The following HK2 variants were observed in gnomAD, a reference collection of about 807,000 sequenced individuals.
The protein encoded by HK2 is hexokinase-2.
Under a neutral mutation model 92.9 loss-of-function variants are expected in HK2, and 42 were observed. The ratio of observed to expected loss-of-function variants is 0.45; its 90% CI spans 0.35 to 0.58. The LOEUF (loss-of-function observed/expected upper bound fraction) is 0.58. HK2 is among the 20% of genes least tolerant of loss of function. The probability of loss-of-function intolerance (pLI) is 0.00; values close to 1 mark genes in which losing one functional copy is unlikely to be tolerated. For synonymous variants in HK2, 422 were observed against 468.0 expected, an observed-to-expected ratio of 0.90 and a Z score of 1.27; for missense variants, 978 against 1,245.1, an observed-to-expected ratio of 0.79 and a Z score of 3.23.
intron 2 of HK2, among the ~76,000 whole-genome samples, chr2:74,864,103 G>A (rs1240294967): frequency 1.3e-5 from 2 of 152,196 alleles, no homozygotes; most frequent in Admixed American, 1.3e-4. Flanking sequence ...TGGCCCTGGA[G>A]CTCATGCCCT....
intron 13 of HK2, 54 bp downstream of exon 13, chr2:74,885,643 G>A (rs1689505243): frequency 2.5e-6 from 3 of 1,178,072 alleles, no homozygotes; most frequent in Non-Finnish European, 3.8e-6. Context: ...TGATTGGCCT[G>A]GTCTGTGTGT....
chr2:74,870,262 C>T lies in HK2; in HGVS notation c.376-2038C>T, dbSNP rs1003792962. On this transcript the variant is annotated intron_variant, in intron 3 of 17. Coordinates refer to ENST00000290573, the MANE Select transcript of HK2 (RefSeq NM_000189.5). ...TGACCTCAAGTGATCTGCCCGTCTTCGCCTCCCGAAGTGCTGGGATTACAG... is the reference window on the plus strand; with the variant it reads ...TGACCTCAAGTGATCTGCCCGTCTTTGCCTCCCGAAGTGCTGGGATTACAG... 4.6e-5 allele frequency among the ~76,000 whole-genome samples: 7 copies of T among 152,052 alleles called. No homozygotes were observed. The East Asian group carries it at 5.8e-4, about 13-fold the overall frequency.
Position 74,845,245 on chromosome 2 carries a change from A to C in HK2, c.64-9048A>C, listed in dbSNP as rs1183877798. 2.0e-5 allele frequency among the ~76,000 whole-genome samples: 3 copies of C among 152,196 alleles called. No individual in the cohort carries two copies. The East Asian group carries it at 5.8e-4, about 29-fold the overall frequency. Reference sequence around the variant, plus strand: ...GTATCTGTCTTCTGCCAATAGACTCAGCCCCTTCCTGGCAGAGGCTGGTGT... The same window carrying C: ...GTATCTGTCTTCTGCCAATAGACTCCGCCCCTTCCTGGCAGAGGCTGGTGT... On this transcript the variant is annotated intron_variant, in intron 1 of 17. Coordinates refer to ENST00000290573, the MANE Select transcript of HK2 (RefSeq NM_000189.5).
At chr2:74,872,264 C>A in intron 3 of HK2, 36 bp from the exon 4 acceptor site, 1 of 1,612,482 alleles carries the variant, frequency 6.2e-7, no homozygotes, top group Non-Finnish European at 8.5e-7. Flanking sequence ...TGCTGTTCGA[C>A]CTCTCTGCTC....
intron 1 of HK2, 126 bp from the exon 2 acceptor site, chr2:74,854,167 T>A: frequency 1.1e-6 from 1 of 928,096 alleles, no homozygotes; most frequent in Non-Finnish European, 1.8e-6. Context: ...TAATGGTCTT[T>A]AATAATAACT....
At position 74,886,502 on chromosome 2, in the gene HK2, A is replaced by G. The variant is rs1022863938; in HGVS notation, c.2048A>G (p.Asn683Ser). Residue 683 changes from asparagine to serine, a missense_variant, in exon 15 of 18, where the codon AAT becomes AGT. Around this residue, in one of 3 missense-constraint regions of HK2, gnomAD observed 742 missense variants for 922.5 expected, o/e 0.80. Coordinates refer to ENST00000290573, the MANE Select transcript of HK2 (RefSeq NM_000189.5). ...EVGLIVGTGSNACYMEEMRNV... is the reference protein window; with the variant it reads ...EVGLIVGTGSSACYMEEMRNV... ...CTGTGATTGGCAGGCACGGGCAGCA[A>G]TGCCTGCTACATGGAGGAGATGCGC... is the stretch of plus-strand genomic sequence containing the variant. 15 of 1,614,054 alleles carry G rather than the reference A, an allele frequency of 9.3e-6. No homozygotes were observed. The highest frequency in any genetic ancestry group is 2.2e-5 in the East Asian group (1 of 44,880).
intron 2 of HK2, among the ~76,000 whole-genome samples, chr2:74,858,036 C>T (rs3771781): frequency 0.62 from 94,459 of 152,032 alleles, 29,878 homozygotes; most frequent in African/African-American, 0.74. Flanking sequence ...TCTTTTCAAA[C>T]CTGAGAAACC....
chr2:74,886,673 G>A lies in HK2; in HGVS notation c.2219G>A (p.Arg740Lys). 6.2e-7 allele frequency: 1 copy of A among 1,613,932 alleles called. No homozygotes were observed. The highest frequency in any genetic ancestry group is 8.5e-7 in the Non-Finnish European group (1 of 1,179,972). The change falls in exon 15 of 18, where the codon AGG (arginine) becomes AAG (lysine). Residue 740 changes from arginine (R) to lysine (K), a missense_variant and splice_region_variant. Coordinates refer to ENST00000290573, the MANE Select transcript of HK2 (RefSeq NM_000189.5). Reference protein sequence around the residue: ...DELSLNPGKQRFEKMISGMYL... With the variant: ...DELSLNPGKQKFEKMISGMYL... ...CTTTCACTCAACCCCGGCAAGCAGA[G>A]GTAGGCACCCAACTGGGGCCCTGTT...
At chr2:74,882,059 T>C (rs1689408679) in intron 11 of HK2, 61 bp from the exon 12 acceptor site, 1 of 1,540,806 alleles carries the variant, frequency 6.5e-7, no homozygotes, top group Non-Finnish European at 9.0e-7. Flanking sequence ...GCGCAGGCCC[T>C]ACTGGGGGCA....
intron 7 of HK2, among the ~76,000 whole-genome samples, chr2:74,876,229 G>C (rs924604131): frequency 6.6e-6 from 1 of 152,164 alleles, no homozygotes; most frequent in South Asian, 2.1e-4. Flanking sequence ...CTTCCTGGAG[G>C]CCTGGGTTTC....
At position 74,877,193 on chromosome 2, in the gene HK2, C is replaced by A. The variant is rs1213137142; in HGVS notation, c.903C>A (p.Tyr301Ter). ...TTGAGAAGATGATCAGTGGGATGTA[C>A]ATGGGGGAGCTGGTGAGGCTTATCC... is the stretch of plus-strand genomic sequence containing the variant. ...QLFEKMISGM[Y>*]MGELVRLILV... is the part of the protein sequence containing the mutation. The change falls in exon 8 of 18, where the codon TAC becomes TAA. Residue 301 changes from tyrosine to a stop codon, truncating the protein, a stop_gained. Transcript: ENST00000290573. LOFTEE classifies it high-confidence loss of function. 12 of 1,614,130 alleles carry A rather than the reference C, an allele frequency of 7.4e-6. No individual in the cohort carries two copies. Among genetic ancestry groups the A allele is most frequent in the Non-Finnish European group, 1.0e-5 (12 of 1,180,028 alleles).
intron 9 of HK2, among the ~76,000 whole-genome samples, chr2:74,879,997 T>G (rs530993478): frequency 1.4e-4 from 22 of 152,310 alleles, no homozygotes; most frequent in African/African-American, 5.3e-4. Flanking sequence ...AGAGGAGGTC[T>G]TGTGTGGCTG....
chr2:74,890,124 A>G (rs967254165), intron 17 of HK2, among the ~76,000 whole-genome samples: 1 of 152,148 alleles, frequency 6.6e-6, no homozygotes, highest in Non-Finnish European at 1.5e-5. Context: ...CTGTTATTGT[A>G]CATATAGTTT....
rs569455828 is a variant in HK2, at chr2:74,886,746, A to G, written c.2219+73A>G. 3.9e-4 allele frequency: 581 copies of G among 1,478,142 alleles called. 1 individual carries two copies. The highest frequency in any genetic ancestry group is 5.2e-4 in the Non-Finnish European group (546 of 1,057,658). The allele number at this position is 1,478,142 out of a possible 1,614,324, so 91.6% of individuals were successfully genotyped here. A position where few individuals can be genotyped will look rare whatever the true frequency, so the allele number is the denominator to read the frequency against. The stretch of plus-strand genomic sequence containing the variant: ...GCAACAAGTGATCAGAGCTTCCACA[A>G]TGGCATCTCCCAGGACGCCGGTTCT... On this transcript the variant is annotated intron_variant, in intron 15 of 17. Coordinates refer to ENST00000290573, the MANE Select transcript of HK2 (RefSeq NM_000189.5).
chr2:74,877,886 T>G (rs1038428128), intron 8 of HK2, among the ~76,000 whole-genome samples: 1 of 152,168 alleles, frequency 6.6e-6, no homozygotes, highest in Non-Finnish European at 1.5e-5. Flanking sequence ...GCGGGCCTCG[T>G]TTACTGTTCT....
rs375560497 is a variant in HK2, at chr2:74,885,642, T to G, written c.1935+53T>G. 10 of 1,172,218 alleles carry G rather than the reference T, an allele frequency of 8.5e-6. No homozygotes were observed. In the African/African-American group the frequency reaches 1.5e-4, roughly 18 times the overall value. The allele number at this position is 1,172,218 out of a possible 1,614,324, so 72.6% of individuals were successfully genotyped here. On this transcript the variant is annotated intron_variant, in intron 13 of 17. Coordinates refer to ENST00000290573, the MANE Select transcript of HK2 (RefSeq NM_000189.5). The stretch of plus-strand genomic sequence containing the variant: ...TGTGTCAGCTCCTCAATGATTGGCC[T>G]GGTCTGTGTGTTCAGAAAGTGAAGG...
At chr2:74,844,546 G>A (rs1688392374) in intron 1 of HK2, among the ~76,000 whole-genome samples, 1 of 152,198 alleles carries the variant, frequency 6.6e-6, no homozygotes, top group African/African-American at 2.4e-5. Flanking sequence ...GTGTGATCTT[G>A]GGGTGGATGG....
chr2:74,889,570 G>T, intron 17 of HK2, 92 bp downstream of exon 17: 1 of 871,074 alleles, frequency 1.1e-6, no homozygotes, highest in South Asian at 1.4e-5. Flanking sequence ...ACTTTATAGT[G>T]AATTATCAGC....
chr2:74,856,607 A>C (rs1423947248), intron 2 of HK2, among the ~76,000 whole-genome samples: 1 of 152,220 alleles, frequency 6.6e-6, no homozygotes, highest in Non-Finnish European at 1.5e-5. Flanking sequence ...TTCTAAATAC[A>C]TATGGGCTAA....
Sources: allele counts gnomAD v4.1 joint callset (sites outside exome capture counted in the v4.1 genomes callset), GRCh38; gene constraint gnomAD v4.1.1; regional missense constraint gnomAD v4.1.1; transcripts MANE v1.5; gene names NCBI Gene and HGNC (gene_info 2026-07-23, HGNC 2026-07-21).